NUFIP2: variants seen among roughly 807,000 people sequenced by gnomAD.
The protein encoded by NUFIP2 is nuclear FMR1 interacting protein 2.
NUFIP2 carries 6 observed loss-of-function variants against 56.9 expected under a neutral mutation model. The ratio of observed to expected loss-of-function variants is 0.11; its 90% CI spans 0.06 to 0.21. The LOEUF (loss-of-function observed/expected upper bound fraction) is 0.21. NUFIP2 is among the 10% of genes least tolerant of loss of function. NUFIP2 has a pLI of 1.00. For missense variants in NUFIP2, 828 were observed against 826.8 expected, an observed-to-expected ratio of 1.00 and a Z score of -0.02; for synonymous variants, 321 against 298.2, an observed-to-expected ratio of 1.08 and a Z score of -0.79.
At chr17:29,292,868 C>T (rs1787268817) in intron 1 of NUFIP2, among the ~76,000 whole-genome samples, 1 of 144,160 alleles carries the variant, frequency 6.9e-6, no homozygotes, top group Non-Finnish European at 1.5e-5. Context: ...GGTTACACAA[C>T]CCCGGCCGGC....
chr17:29,271,088 C>A (rs2069069353), intron 2 of NUFIP2, among the ~76,000 whole-genome samples: 1 of 152,160 alleles, frequency 6.6e-6, no homozygotes, highest in Non-Finnish European at 1.5e-5. Context: ...TACTCAAATA[C>A]TATACATTTA....
At chr17:29,283,875 C>T (rs534036859) in intron 2 of NUFIP2, among the ~76,000 whole-genome samples, 18 of 152,324 alleles carry the variant, frequency 1.2e-4, no homozygotes, top group African/African-American at 4.1e-4. Context: ...TAAGTGAAAT[C>T]AGGTAAATGT....
rs566013594 is a variant in NUFIP2 at position 29,273,706 on chromosome 17, T to G, written c.2003-6176A>C. Among the ~76,000 whole-genome samples the G allele has an allele frequency of 3.9e-5, 6 of 152,296 alleles. No homozygotes were observed. The East Asian group carries it at 1.2e-3, about 29-fold the overall frequency. ...AGACCTAATAGAACCTAAGTAAAAG[T>G]TTTTGCTCTTAAGATATACCAAGTA... On this transcript the variant is annotated intron_variant, in intron 2 of 3. Coordinates refer to ENST00000225388, the MANE Select transcript of NUFIP2 (RefSeq NM_020772.3).
chr17:29,280,846 G>A (rs1278136108), intron 2 of NUFIP2, among the ~76,000 whole-genome samples: 2 of 151,690 alleles, frequency 1.3e-5, no homozygotes, highest in African/African-American at 4.8e-5. Flanking sequence ...AAATTAGCCG[G>A]GCACGGTGGT....
At chr17:29,289,101 G>A (rs992468833) in intron 1 of NUFIP2, among the ~76,000 whole-genome samples, 2 of 152,116 alleles carry the variant, frequency 1.3e-5, no homozygotes, top group Admixed American at 6.5e-5. Flanking sequence ...CACTGAGATG[G>A]CACAACTGCC....
chr17:29,287,467 T>A lies in NUFIP2; in HGVS notation c.527A>T (p.Gln176Leu), dbSNP rs1195675335. The A allele has an allele frequency of 1.9e-6, 3 of 1,614,134 alleles. No individual in the cohort carries two copies. The South Asian group carries it at 3.3e-5, about 18-fold the overall frequency. Residue 176 changes from glutamine to leucine, a missense_variant, in exon 2 of 4, where the codon CAG becomes CTG. Gln to Leu is a moderately radical substitution (Grantham distance 113). This residue lies in a region of NUFIP2 where 415 missense variants were observed against 408.7 expected (regional missense o/e 1.02). Transcript: ENST00000225388. Reference sequence around the variant, plus strand: ...TATAGTATCAGACTTATCTACAGACTGATTCTCTCCAGATTTATTTTCATA... The same window carrying A: ...TATAGTATCAGACTTATCTACAGACAGATTCTCTCCAGATTTATTTTCATA... ...KSYENKSGEN[Q>L]SVDKSDTIPI...
chr17:29,286,211 G>A lies in NUFIP2; in HGVS notation c.1783C>T (p.Pro595Ser). Residue 595 changes from proline (P) to serine (S), a missense_variant, in exon 2 of 4, where the codon CCC (proline) becomes TCC (serine). By Grantham distance (74) the Pro-to-Ser change is moderately conservative. This residue lies in a region of NUFIP2 where 404 missense variants were observed against 380.3 expected (regional missense o/e 1.06). Transcript: ENST00000225388. ...TTCTGCAGGTCACCTATATGACTGG[G>A]TTCCAAGGATAAGGCTCCACTCTCA... The part of the protein sequence containing the change: ...TSESGALSLE[P>S]SHIGDLQKAD... The A allele has an allele frequency of 6.2e-7, 1 of 1,614,034 alleles. No homozygotes were observed. The highest frequency in any genetic ancestry group is 8.5e-7 in the Non-Finnish European group (1 of 1,179,954).
Position 29,264,830 on chromosome 17 carries a change from C to T in NUFIP2, c.2036-239G>A, listed in dbSNP as rs955010247. Among the ~76,000 whole-genome samples the T allele has an allele frequency of 3.9e-5, 6 of 152,272 alleles. No homozygotes were observed. The East Asian group carries it at 9.6e-4, about 24-fold the overall frequency. On this transcript the variant is annotated intron_variant, in intron 3 of 3. Coordinates refer to ENST00000225388, the MANE Select transcript of NUFIP2 (RefSeq NM_020772.3). ...GTCCTCTAGCCAGTGAGGGCCTCAA[C>T]TCCTGCAGATCAGAGATGGTTGAGT...
intron 2 of NUFIP2, among the ~76,000 whole-genome samples, chr17:29,272,037 C>A (rs1163283132): frequency 8.1e-6 from 1 of 123,068 alleles, no homozygotes; most frequent in Non-Finnish European, 1.6e-5. Context: ...CACGCCACTG[C>A]ACTCCAGCTT....
At chr17:29,272,954 G>A (rs1277059299) in intron 2 of NUFIP2, among the ~76,000 whole-genome samples, 1 of 151,370 alleles carries the variant, frequency 6.6e-6, no homozygotes, top group Non-Finnish European at 1.5e-5. Flanking sequence ...CTGGGTTCAA[G>A]CTATCCTGCC....
intron 3 of NUFIP2, among the ~76,000 whole-genome samples, 192 bp from the exon 4 acceptor site, chr17:29,264,783 T>C (rs1338269237): frequency 6.6e-6 from 1 of 152,098 alleles, no homozygotes; most frequent in Non-Finnish European, 1.5e-5. Context: ...TATTTGGAAT[T>C]CCAATGAATT....
intron 1 of NUFIP2, among the ~76,000 whole-genome samples, chr17:29,291,709 C>T (rs1053966504): frequency 6.6e-6 from 1 of 152,212 alleles, no homozygotes; most frequent in Non-Finnish European, 1.5e-5. Context: ...CTTATGCAGC[C>T]ATAATATGGT....
intron 2 of NUFIP2, among the ~76,000 whole-genome samples, chr17:29,272,452 G>A (rs1333741552): frequency 2.0e-5 from 3 of 152,080 alleles, no homozygotes; most frequent in Non-Finnish European, 2.9e-5. Flanking sequence ...GTGTTAGCCA[G>A]GATGGTCTCG....
intron 2 of NUFIP2, among the ~76,000 whole-genome samples, chr17:29,285,249 A>C (rs2069165626): frequency 6.6e-6 from 1 of 151,292 alleles, no homozygotes; most frequent in Non-Finnish European, 1.5e-5. Flanking sequence ...GCAGTGAGCC[A>C]AGATCACACC....
At chr17:29,273,643 A>G (rs1036791603) in intron 2 of NUFIP2, among the ~76,000 whole-genome samples, 6 of 152,212 alleles carry the variant, frequency 3.9e-5, no homozygotes, top group Non-Finnish European at 2.9e-5. Flanking sequence ...AACGTAAGTA[A>G]AAGTTTTTGC....
intron 2 of NUFIP2, among the ~76,000 whole-genome samples, chr17:29,274,795 TAC>T (rs1476156783): frequency 6.6e-6 from 1 of 152,000 alleles, no homozygotes; most frequent in African/African-American, 2.4e-5. Flanking sequence ...GACAATAATA[TAC>T]AGAGAGTCCA....
At chr17:29,275,554 T>C (rs903355944) in intron 2 of NUFIP2, among the ~76,000 whole-genome samples, 3 of 152,166 alleles carry the variant, frequency 2.0e-5, no homozygotes, top group Non-Finnish European at 2.9e-5. Context: ...TAACCAAAGG[T>C]AAGACACTTG....
At chr17:29,279,262 G>A (rs1221220392) in intron 2 of NUFIP2, among the ~76,000 whole-genome samples, 1 of 152,134 alleles carries the variant, frequency 6.6e-6, no homozygotes, top group Non-Finnish European at 1.5e-5. Context: ...ATCATAATTT[G>A]TCTCTTCATA....
At chr17:29,291,045 A>AAAG (rs1555549533) in intron 1 of NUFIP2, among the ~76,000 whole-genome samples, 25 of 151,322 alleles carry the variant, frequency 1.7e-4, no homozygotes, top group South Asian at 1.2e-3. Context: ...CAAAAAAAAA[A>AAAG]AAAAAAAAGA....
Sources: allele counts gnomAD v4.1 joint callset (sites outside exome capture counted in the v4.1 genomes callset), GRCh38; gene constraint gnomAD v4.1.1; regional missense constraint gnomAD v4.1.1; transcripts MANE v1.5; gene names NCBI Gene and HGNC (gene_info 2026-07-23, HGNC 2026-07-21).